Variants in RNASE10 observed in about 807,000 individuals in gnomAD.
RNASE10 encodes the protein ribonuclease A family member 10 (inactive).
In RNASE10, 2 loss-of-function variants were observed where a neutral mutation model predicts 1.1. The ratio of observed to expected loss-of-function variants is 1.82; its 90% CI spans 0.74 to 5.73. The LOEUF is 5.73. RNASE10 is among the 30% of genes most tolerant of loss of function. RNASE10 has a pLI of 0.05. For missense variants in RNASE10, 276 were observed against 263.4 expected, an observed-to-expected ratio of 1.05 and a Z score of -0.33; for synonymous variants, 97 against 96.2, an observed-to-expected ratio of 1.01 and a Z score of -0.05.
chr14:20,510,579 G>A (rs74037153), exon 2 of RNASE10: 5 of 1,614,206 alleles, frequency 3.1e-6, no homozygotes, highest in South Asian at 2.2e-5. Context: ...TCTTGGAGGA[G>A]AGTGATCAAC....
At chr14:20,506,630 CCCCG>C in intron 1 of RNASE10, among the ~76,000 whole-genome samples, 1 of 103,632 alleles carries the variant, frequency 9.6e-6, no homozygotes, top group South Asian at 3.6e-4. Flanking sequence ...GGGATCAGCC[CCCCG>C]CCTGGCCAGC....
At chr14:20,509,648 T>C (rs1327196758) in intron 1 of RNASE10, among the ~76,000 whole-genome samples, 2 of 152,070 alleles carry the variant, frequency 1.3e-5, no homozygotes, top group Non-Finnish European at 2.9e-5. Context: ...AGAAGAGTAA[T>C]AGATATTTGA....
At chr14:20,508,531 G>A (rs904956111) in intron 1 of RNASE10, among the ~76,000 whole-genome samples, 5 of 152,098 alleles carry the variant, frequency 3.3e-5, no homozygotes, top group Non-Finnish European at 7.3e-5. Flanking sequence ...CAGCGCCTGT[G>A]TTCACATAAC....
intron 1 of RNASE10, among the ~76,000 whole-genome samples, chr14:20,508,576 G>A (rs1882811175): frequency 6.6e-6 from 1 of 152,090 alleles, no homozygotes; most frequent in African/African-American, 2.4e-5. Flanking sequence ...CAAAGTGCAA[G>A]AATGATGATG....
chr14:20,506,948 C>T (rs1216873960), intron 1 of RNASE10, among the ~76,000 whole-genome samples: 4 of 136,428 alleles, frequency 2.9e-5, no homozygotes, highest in African/African-American at 6.1e-5. Flanking sequence ...GAGGGGGGGT[C>T]AGCCCCCCGC....
intron 1 of RNASE10, among the ~76,000 whole-genome samples, chr14:20,507,100 C>T (rs559251285): frequency 9.3e-5 from 14 of 149,892 alleles, no homozygotes; most frequent in African/African-American, 3.0e-4. Context: ...GCCAGGACCC[C>T]GTCTGGGAGG....
At chr14:20,512,950 G>A (rs928384349), downstream of RNASE10, among the ~76,000 whole-genome samples, 2 of 152,304 alleles carry the variant, frequency 1.3e-5, no homozygotes, top group South Asian at 4.1e-4. Context: ...AATCGGCCAC[G>A]TTAGCAATCT....
chr14:20,511,158 T>G (rs1882891609), downstream of RNASE10: 1 of 1,392,378 alleles, frequency 7.2e-7, no homozygotes, highest in African/African-American at 1.5e-5. Flanking sequence ...CACCTTCTCC[T>G]GTTCCTCTTC....
At chr14:20,513,141 G>A (rs561521661), downstream of RNASE10, among the ~76,000 whole-genome samples, 4 of 152,266 alleles carry the variant, frequency 2.6e-5, 1 homozygote, top group African/African-American at 9.6e-5. Flanking sequence ...GGCACTGTTT[G>A]ATGGGCATAC....
chr14:20,511,887 G>A (rs1370155582), downstream of RNASE10, among the ~76,000 whole-genome samples: 7 of 151,492 alleles, frequency 4.6e-5, no homozygotes, highest in South Asian at 2.1e-4. Flanking sequence ...TTTTGGGCCC[G>A]CTCTTCTCTT....
chr14:20,512,738 G>T (rs1393243352), downstream of RNASE10, among the ~76,000 whole-genome samples: 3 of 152,178 alleles, frequency 2.0e-5, no homozygotes, highest in Admixed American at 1.3e-4. Flanking sequence ...TGGACAGGAG[G>T]TATGTCTCCA....
chr14:20,511,130 C>T, exon 2 of RNASE10: 1 of 1,473,778 alleles, frequency 6.8e-7, no homozygotes, highest in South Asian at 1.5e-5. Context: ...TGAAGCAACT[C>T]ATCATCTTTT....
At chr14:20,513,005 C>A (rs1882934335), downstream of RNASE10, among the ~76,000 whole-genome samples, 1 of 152,138 alleles carries the variant, frequency 6.6e-6, no homozygotes, top group African/African-American at 2.4e-5. Context: ...TGTGAAAGAT[C>A]TCCATTGTAT....
chr14:20,513,105 G>A (rs934736561), downstream of RNASE10, among the ~76,000 whole-genome samples: 13 of 152,086 alleles, frequency 8.5e-5, no homozygotes, highest in Admixed American at 2.0e-4. Flanking sequence ...TTCAGCTTCC[G>A]TCCAGCTTCT....
chr14:20,504,476 G>A (rs1181402308), upstream of RNASE10, among the ~76,000 whole-genome samples: 4 of 150,820 alleles, frequency 2.7e-5, no homozygotes, highest in East Asian at 1.9e-4. Flanking sequence ...TCACGAGGTC[G>A]GGAGATCGAG....
Position 20,510,781 on chromosome 14 carries a change from C to T in RNASE10, c.394C>T (p.Gln132Ter). 6.2e-7 allele frequency: 1 copy of T among 1,614,178 alleles called. No homozygotes were observed. The highest frequency in any genetic ancestry group is 8.5e-7 in the Non-Finnish European group (1 of 1,180,028). ...GATGCTCAGAGCCTCAGCTCTCTTTCAGAGCAACAAAGACTATCTTAGGCT... is the reference window on the plus strand; with the variant it reads ...GATGCTCAGAGCCTCAGCTCTCTTTTAGAGCAACAAAGACTATCTTAGGCT... Residue 132 changes from glutamine (Q) to a stop codon, truncating the protein, a stop_gained, in exon 2 of 2, where the codon CAG becomes TAG. Coordinates refer to ENST00000430083, the Ensembl canonical transcript of RNASE10. LOFTEE classifies it low-confidence loss of function (END_TRUNC).
chr14:20,507,891 A>G (rs1048234493), intron 1 of RNASE10, among the ~76,000 whole-genome samples: 3 of 151,898 alleles, frequency 2.0e-5, no homozygotes, highest in African/African-American at 7.3e-5. Flanking sequence ...GGAACTGAAG[A>G]CACACGCCAC....
At chr14:20,508,614 C>T (rs979417817) in intron 1 of RNASE10, among the ~76,000 whole-genome samples, 4 of 152,096 alleles carry the variant, frequency 2.6e-5, no homozygotes, top group Non-Finnish European at 5.9e-5. Flanking sequence ...TCAAAAAGAA[C>T]CCGTAAAGTG....
chr14:20,504,687 C>CAAAAAAAACAAA (rs1882645961), upstream of RNASE10, among the ~76,000 whole-genome samples: 1 of 44,552 alleles, frequency 2.2e-5, no homozygotes, highest in Non-Finnish European at 4.1e-5. Context: ...GACTCCGTCT[C>CAAAAAAAACAAA]AAAAAAAAAA....
Sources: allele counts gnomAD v4.1 joint callset (sites outside exome capture counted in the v4.1 genomes callset), GRCh38; gene constraint gnomAD v4.1.1; transcripts MANE v1.5; gene names NCBI Gene and HGNC (gene_info 2026-07-23, HGNC 2026-07-21).